MIS18A: variants seen among roughly 807,000 people sequenced by gnomAD.
MIS18A encodes protein Mis18-alpha.
Under a neutral mutation model 25.0 loss-of-function variants are expected in MIS18A, and 14 were observed. The ratio of observed to expected loss-of-function variants is 0.56; its 90% CI spans 0.37 to 0.88. The LOEUF is 0.88. Among genes scored for constraint, MIS18A ranks in the 40% least tolerant of loss-of-function variants. The pLI is 0.00. For synonymous variants in MIS18A, 134 were observed against 118.6 expected (o/e 1.13, Z -0.84); for missense variants, 292 against 290.8 (o/e 1.00, Z -0.03).
At chr21:32,235,800 C>T in the MIS18A span, among the ~76,000 whole-genome samples, 1 of 152,106 alleles carries the variant, frequency 6.6e-6, no homozygotes. Context: ...CCATGGAGAA[C>T]AAGCTTTTCT....
At chr21:32,199,906 G>A in the MIS18A span, among the ~76,000 whole-genome samples, 1 of 152,334 alleles carries the variant, frequency 6.6e-6, no homozygotes, top group Non-Finnish European at 1.5e-5. Flanking sequence ...TCTAAGCACT[G>A]ACTGCCAGTT....
the MIS18A span, among the ~76,000 whole-genome samples, chr21:32,242,892 A>G: frequency 6.6e-6 from 1 of 152,196 alleles, no homozygotes; most frequent in East Asian, 1.9e-4. Flanking sequence ...TGAGTGAACT[A>G]TTTATCTACC....
the MIS18A span, among the ~76,000 whole-genome samples, chr21:32,256,676 G>T: frequency 4.0e-3 from 603 of 152,066 alleles, 6 homozygotes; most frequent in African/African-American, 0.014. Context: ...CCCCTTTTTC[G>T]GCCTCTGTGT....
chr21:32,263,924 ATAATT>A (rs1390454065), downstream of MIS18A, among the ~76,000 whole-genome samples: 2 of 151,700 alleles, frequency 1.3e-5, no homozygotes, highest in Non-Finnish European at 2.9e-5. Flanking sequence ...TGAAAATTTC[ATAATT>A]GGCTCTCCCC....
the MIS18A span, among the ~76,000 whole-genome samples, chr21:32,162,193 C>T: frequency 1.3e-5 from 2 of 152,124 alleles, no homozygotes; most frequent in Non-Finnish European, 2.9e-5. Flanking sequence ...TCGCAGCGAG[C>T]TCTCAAAGAC....
At chr21:32,183,608 C>T in the MIS18A span, among the ~76,000 whole-genome samples, 11 of 152,204 alleles carry the variant, frequency 7.2e-5, no homozygotes, top group Non-Finnish European at 1.5e-4. Flanking sequence ...TCATTTTTGG[C>T]CCTTCTCCTT....
chr21:32,265,537 G>C (rs1321859312), downstream of MIS18A, among the ~76,000 whole-genome samples: 2 of 152,246 alleles, frequency 1.3e-5, no homozygotes. Context: ...CGCTGTGCTG[G>C]ATTTCTCGCC....
At chr21:32,167,597 A>T in the MIS18A span, among the ~76,000 whole-genome samples, 10 of 152,180 alleles carry the variant, frequency 6.6e-5, no homozygotes, top group Non-Finnish European at 1.2e-4. Flanking sequence ...CAAAATGAAT[A>T]AAAAAACCAA....
the MIS18A span, among the ~76,000 whole-genome samples, chr21:32,157,523 T>C: frequency 1.3e-5 from 2 of 152,000 alleles, no homozygotes; most frequent in Admixed American, 1.3e-4. Context: ...TAGTAAAGTT[T>C]TTTTTTGTTA....
the MIS18A span, among the ~76,000 whole-genome samples, chr21:32,207,510 T>A: frequency 6.6e-6 from 1 of 152,216 alleles, no homozygotes; most frequent in Non-Finnish European, 1.5e-5. Context: ...CCAGCTGGCC[T>A]GGTACAGCCG....
At chr21:32,274,203 T>C (rs2031766809) in intron 2 of MIS18A, among the ~76,000 whole-genome samples, 1 of 132,084 alleles carries the variant, frequency 7.6e-6, no homozygotes, top group African/African-American at 2.8e-5. Flanking sequence ...TCTTCTTTTT[T>C]TTTTTTTTTT....
At chr21:32,157,126 G>A in the MIS18A span, among the ~76,000 whole-genome samples, 425 of 148,424 alleles carry the variant, frequency 2.9e-3, 7 homozygotes, top group Non-Finnish European at 3.0e-3. Context: ...CGTGATCTTG[G>A]CTCACTGCAA....
the MIS18A span, among the ~76,000 whole-genome samples, chr21:32,207,628 G>A: frequency 6.6e-6 from 1 of 151,954 alleles, no homozygotes; most frequent in Non-Finnish European, 1.5e-5. Context: ...GTTCAACACT[G>A]GCATAAATGG....
chr21:32,233,337 G>T, the MIS18A span, among the ~76,000 whole-genome samples: 1 of 152,118 alleles, frequency 6.6e-6, no homozygotes, highest in Admixed American at 6.5e-5. Context: ...GGTTGGGATG[G>T]GGAGAGAAAC....
the MIS18A span, among the ~76,000 whole-genome samples, chr21:32,226,078 A>T: frequency 8.1e-6 from 1 of 123,506 alleles, no homozygotes; most frequent in Non-Finnish European, 1.6e-5. Flanking sequence ...GGAATTGAAC[A>T]ATGAGATCAC....
At chr21:32,244,059 A>G in the MIS18A span, among the ~76,000 whole-genome samples, 1 of 152,248 alleles carries the variant, frequency 6.6e-6, no homozygotes, top group African/African-American at 2.4e-5. Flanking sequence ...CATCCATACA[A>G]TGGATAACCA....
chr21:32,214,405 G>T, the MIS18A span, among the ~76,000 whole-genome samples: 1 of 152,130 alleles, frequency 6.6e-6, no homozygotes, highest in Non-Finnish European at 1.5e-5. Flanking sequence ...GATGCAGACG[G>T]GTTGCAAGGG....
chr21:32,181,391 A>G, the MIS18A span, among the ~76,000 whole-genome samples: 1 of 152,196 alleles, frequency 6.6e-6, no homozygotes, highest in Non-Finnish European at 1.5e-5. Context: ...CTTTGTAGAT[A>G]CAGATATAGA....
intron 1 of MIS18A, 52 bp downstream of exon 1, chr21:32,278,629 C>T (rs766849301): frequency 1.4e-5 from 21 of 1,453,880 alleles, no homozygotes; most frequent in Non-Finnish European, 1.9e-5. Context: ...CGCGCGGCAC[C>T]CCTGGAAGAA....
Sources: allele counts gnomAD v4.1 joint callset (sites outside exome capture counted in the v4.1 genomes callset), GRCh38; gene constraint gnomAD v4.1.1; transcripts MANE v1.5; gene names NCBI Gene and HGNC (gene_info 2026-07-23, HGNC 2026-07-21).